The following VWA5B2 variants were observed in gnomAD, a reference collection of about 807,000 sequenced individuals.
VWA5B2 encodes the protein von Willebrand factor A domain containing 5B2, also known as von Willebrand factor A domain-containing protein 5B2.
Under a neutral mutation model 118.5 loss-of-function variants are expected in VWA5B2, and 93 were observed. The ratio of observed to expected loss-of-function variants is 0.79; its 90% CI spans 0.66 to 0.93. VWA5B2 has a LOEUF of 0.93. VWA5B2 is among the 40% of genes least tolerant of loss of function. The probability of loss-of-function intolerance (pLI) is 0.00; values close to 1 mark genes in which losing one functional copy is unlikely to be tolerated. For synonymous variants in VWA5B2, 708 were observed against 716.3 expected (o/e 0.99, Z 0.19); for missense variants, 1,546 against 1,672.8 (o/e 0.92, Z 1.32).
At chr3:184,240,210 G>A (rs1173201830) in intron 16 of VWA5B2, among the ~76,000 whole-genome samples, 174 bp downstream of exon 16, 1 of 152,090 alleles carries the variant, frequency 6.6e-6, no homozygotes, top group African/African-American at 2.4e-5. Context: ...AAAAATAAAA[G>A]GAAACTGAGA....
rs1239375689 is a variant in VWA5B2, at chr3:184,238,266, C to T, written c.1720-37C>T. 3 of 1,450,516 alleles carry T rather than the reference C, an allele frequency of 2.1e-6. No individual in the cohort carries two copies. The highest frequency in any genetic ancestry group is 2.9e-5 in the South Asian group (2 of 69,378). The allele number at this position is 1,450,516 out of a possible 1,614,324, so 89.9% of individuals were successfully genotyped here. A position where few individuals can be genotyped will look rare whatever the true frequency, so the allele number is the denominator to read the frequency against. On this transcript the variant is annotated intron_variant, in intron 12 of 19. Coordinates refer to ENST00000691901, the MANE Select transcript of VWA5B2 (RefSeq NM_001390846.1). This position sits in a 1 kb window ranked among gnomAD's most constrained non-coding sequence, Gnocchi z 5.0. ...ATGTTTGGAAAGAGGTAGCACATAA[C>T]TGCAGTTAATTTTTTTCCCAATAAT...
chr3:184,235,772 A>G lies in VWA5B2; in HGVS notation c.1102-380A>G, dbSNP rs552682172. ...TACCTCCAGAGTCCCACACACAGCC[A>G]TGTACACCTCCAGAGTCCCACACAC... On this transcript the variant is annotated intron_variant, in intron 8 of 19. Transcript: ENST00000691901. Among the ~76,000 whole-genome samples, 37 of 151,536 alleles carry G rather than the reference A, an allele frequency of 2.4e-4. No homozygotes were observed. The South Asian group carries it at 4.0e-3, about 16-fold the overall frequency.
chr3:184,229,605 C>T lies in VWA5B2; in HGVS notation c.-258C>T, dbSNP rs1717165458. Among the ~76,000 whole-genome samples, 1 of 152,288 alleles carries T rather than the reference C, an allele frequency of 6.6e-6. No homozygotes were observed. Among genetic ancestry groups the T allele is most frequent in the Non-Finnish European group, 1.5e-5 (1 of 67,994 alleles). ...GACTCAGAGCCGCTGCAGCCACAGT[C>T]ACGAACTGGCGGCCGGCAGGTGCCG... is the stretch of plus-strand genomic sequence containing the variant. On this transcript the variant is annotated 5_prime_UTR_variant, in exon 1 of 20. Transcript: ENST00000691901.
chr3:184,235,066 A>G (rs1196799838), intron 7 of VWA5B2, 87 bp from the exon 8 acceptor site: 1 of 1,461,270 alleles, frequency 6.8e-7, no homozygotes, highest in East Asian at 2.5e-5. Flanking sequence ...ATCAGACAGA[A>G]AAAGGCCCCA....
rs1418107597 is a variant in VWA5B2, at chr3:184,238,733, G to A, written c.2062G>A (p.Gly688Ser). Residue 688 changes from glycine (G) to serine (S), a missense_variant, in exon 14 of 20, where the codon GGC becomes AGC. Physicochemically the swap from Gly to Ser is moderately conservative, Grantham distance 56. This residue lies in a region of VWA5B2 where 763 missense variants were observed against 766.6 expected (regional missense o/e 1.00). Coordinates refer to ENST00000691901, the MANE Select transcript of VWA5B2 (RefSeq NM_001390846.1). The surrounding 1 kb of genome is among the most constrained non-coding windows in gnomAD (Gnocchi z 5.0). The stretch of plus-strand genomic sequence containing the variant: ...CTCCACAGGCAGCAGTGAGTCCCCA[G>A]GCTCACAGGGCCCTGGCTCCCCCGA... ...PGSTGSSESPGSQGPGSPEGS... is the reference protein window; with the variant it reads ...PGSTGSSESPSSQGPGSPEGS... 6.4e-7 allele frequency: 1 copy of A among 1,551,010 alleles called. No individual in the cohort carries two copies. The highest frequency in any genetic ancestry group is 8.7e-7 in the Non-Finnish European group (1 of 1,146,992).
At position 184,237,556 on chromosome 3, in the gene VWA5B2, A is replaced by G; in HGVS notation, c.1719+145A>G. 1.1e-6 allele frequency: 1 copy of G among 872,628 alleles called. No homozygotes were observed. Among genetic ancestry groups the G allele is most frequent in the Non-Finnish European group, 1.7e-6 (1 of 585,300 alleles). 54.1% of individuals were successfully genotyped at this position (872,628 alleles called of 1,614,324 possible). A position where few individuals can be genotyped will look rare whatever the true frequency, so the allele number is the denominator to read the frequency against. ...CTTCTCTACTATCCCCTAGGACTCCACAGAGATCACACTGGGCCCCCTAAG... is the reference window on the plus strand; with the variant it reads ...CTTCTCTACTATCCCCTAGGACTCCGCAGAGATCACACTGGGCCCCCTAAG... On this transcript the variant is annotated intron_variant, in intron 12 of 19. Coordinates refer to ENST00000691901, the MANE Select transcript of VWA5B2 (RefSeq NM_001390846.1). This position sits in a 1 kb window ranked among gnomAD's most constrained non-coding sequence, Gnocchi z 5.6.
rs1718817873 is a variant in VWA5B2, at chr3:184,242,307, A to C, written c.*269A>C. 4 of 768,470 alleles carry C rather than the reference A, an allele frequency of 5.2e-6. No individual in the cohort carries two copies. Among genetic ancestry groups the C allele is most frequent in the Admixed American group, 2.0e-5 (1 of 49,388 alleles). The allele number at this position is 768,470 out of a possible 1,614,324, so 47.6% of individuals were successfully genotyped here. A position where few individuals can be genotyped will look rare whatever the true frequency, so the allele number is the denominator to read the frequency against. On this transcript the variant is annotated 3_prime_UTR_variant, in exon 20 of 20. Coordinates refer to ENST00000691901, the MANE Select transcript of VWA5B2 (RefSeq NM_001390846.1). Reference sequence around the variant, plus strand: ...TAGAGAGCCACAGTCCCCAAATCCTATGCAATAAAGTGCCTCTTAGGACTG... The same window carrying C: ...TAGAGAGCCACAGTCCCCAAATCCTCTGCAATAAAGTGCCTCTTAGGACTG...
rs376220940 is a variant in VWA5B2 at position 184,239,753 on chromosome 3, G to A, written c.2457G>A (p.Thr819=). The A allele has an allele frequency of 1.4e-5, 21 of 1,518,922 alleles. No homozygotes were observed. The highest frequency in any genetic ancestry group is 6.2e-5 in the Admixed American group (3 of 48,346). 94.1% of individuals were successfully genotyped at this position (1,518,922 alleles called of 1,614,324 possible). Residue 819 remains threonine (T), a synonymous_variant, in exon 16 of 20, where the codon ACG becomes ACA. Transcript: ENST00000691901. This position sits in a 1 kb window ranked among gnomAD's most constrained non-coding sequence, Gnocchi z 5.1. ...TGATGGAACCACCCTTCTTATTCAC[G>A]GCTGTGCCTCCTAGTGGGGAGTTGG... ...DMLMEPPFLF[T]AVPPSGELAP... is the part of the protein sequence containing the mutation.
Position 184,233,559 on chromosome 3 carries a change from C to T in VWA5B2, c.531-17C>T, listed in dbSNP as rs958624158. The T allele has an allele frequency of 3.2e-6, 5 of 1,548,010 alleles. No homozygotes were observed. The highest frequency in any genetic ancestry group is 3.4e-4 in the Middle Eastern group (2 of 5,970). The stretch of plus-strand genomic sequence containing the variant: ...CCTTCACAGTGGCCCAGTGACCCTC[C>T]TCATGCTCCCTTCCAGCCCCACCAG... On this transcript the variant is annotated splice_polypyrimidine_tract_variant and intron_variant, in intron 4 of 19. Coordinates refer to ENST00000691901, the MANE Select transcript of VWA5B2 (RefSeq NM_001390846.1). This position sits in a 1 kb window ranked among gnomAD's most constrained non-coding sequence, Gnocchi z 5.2.
At chr3:184,231,601 A>G (rs1717405955) in intron 3 of VWA5B2, among the ~76,000 whole-genome samples, 1 of 152,026 alleles carries the variant, frequency 6.6e-6, no homozygotes, top group African/African-American at 2.4e-5. Context: ...AGTCATTGTC[A>G]CAGATCTGCC....
At chr3:184,235,330 G>C in intron 8 of VWA5B2, 22 bp downstream of exon 8, 4 of 1,549,070 alleles carry the variant, frequency 2.6e-6, no homozygotes, top group Non-Finnish European at 3.5e-6. Flanking sequence ...TGTGGTGTGG[G>C]CAGGCCTGGG....
At chr3:184,232,471 T>C (rs1717493815) in intron 3 of VWA5B2, 1 of 152,194 alleles carries the variant, frequency 6.6e-6, no homozygotes, top group Admixed American at 6.5e-5. Flanking sequence ...ATTGAAAGGA[T>C]GAACAATTGG....
In VWA5B2 at chr3:184,233,519, C is replaced by T. The variant is rs753233405; in HGVS notation, c.531-57C>T. The stretch of plus-strand genomic sequence containing the variant: ...TGAGGAAGGGCTGGGGCCAGTCAGC[C>T]GGAGGGTTTAGGGGCCTTCACAGTG... On this transcript the variant is annotated intron_variant, in intron 4 of 19. Coordinates refer to ENST00000691901, the MANE Select transcript of VWA5B2 (RefSeq NM_001390846.1). The surrounding 1 kb of genome is among the most constrained non-coding windows in gnomAD (Gnocchi z 5.2). 4.7e-5 allele frequency: 72 copies of T among 1,525,628 alleles called. No individual in the cohort carries two copies. Among genetic ancestry groups the T allele is most frequent in the Middle Eastern group, 1.7e-4 (1 of 5,874 alleles). 94.5% of individuals were successfully genotyped at this position (1,525,628 alleles called of 1,614,324 possible).
Position 184,238,797 on chromosome 3 carries a change from G to A in VWA5B2, c.2126G>A (p.Cys709Tyr). 1 of 1,546,818 alleles carries A rather than the reference G, an allele frequency of 6.5e-7. No individual in the cohort carries two copies. The highest frequency in any genetic ancestry group is 1.2e-5 in the South Asian group (1 of 83,898). ...TTGGAGCCCCCTTCTCAGCAGGGCT[G>A]CCGCAGTCTGGCCTGGGGAGAACCT... ...APLEPPSQQG[C>Y]RSLAWGEPAG... The change falls in exon 14 of 20, where the codon TGC becomes TAC. Residue 709 changes from cysteine to tyrosine, a missense_variant. By Grantham distance (194) the Cys-to-Tyr change is radical. Coordinates refer to ENST00000691901, the MANE Select transcript of VWA5B2 (RefSeq NM_001390846.1). This position sits in a 1 kb window ranked among gnomAD's most constrained non-coding sequence, Gnocchi z 5.0.
intron 9 of VWA5B2, 34 bp downstream of exon 9, chr3:184,236,296 G>A: frequency 1.3e-6 from 2 of 1,551,596 alleles, no homozygotes; most frequent in African/African-American, 2.7e-5. Context: ...GGGCCTTACA[G>A]AGAGGTTTCA....
intron 7 of VWA5B2, 38 bp downstream of exon 7, chr3:184,234,793 G>A: frequency 6.5e-7 from 1 of 1,550,268 alleles, no homozygotes; most frequent in Non-Finnish European, 8.7e-7. Flanking sequence ...CCTGGCCTTG[G>A]CTGCATTTGT....
At chr3:184,230,126 C>T (rs1202373420) in intron 1 of VWA5B2, among the ~76,000 whole-genome samples, 1 of 152,188 alleles carries the variant, frequency 6.6e-6, no homozygotes, top group African/African-American at 2.4e-5. Flanking sequence ...ACCCGCGCCG[C>T]TTCCGACAGC....
At position 184,241,915 on chromosome 3, in the gene VWA5B2, C is replaced by T; in HGVS notation, c.3606C>T (p.His1202=). The T allele has an allele frequency of 6.5e-7, 1 of 1,547,368 alleles. No individual in the cohort carries two copies. Residue 1202 remains histidine, a synonymous_variant, in exon 20 of 20, where the codon CAC becomes CAT. Coordinates refer to ENST00000691901, the MANE Select transcript of VWA5B2 (RefSeq NM_001390846.1). The surrounding 1 kb of genome is among the most constrained non-coding windows in gnomAD (Gnocchi z 5.1). ...AKADCWLRAQ[H]LPDGLDLAAL... ...CTGATTGCTGGCTGCGGGCCCAGCA[C>T]TTGCCTGACGGCCTTGACCTGGCCG...
chr3:184,241,853 G>A lies in VWA5B2; in HGVS notation c.3544G>A (p.Ala1182Thr). 7 of 1,541,078 alleles carry A rather than the reference G, an allele frequency of 4.5e-6. No individual in the cohort carries two copies. Among genetic ancestry groups the A allele is most frequent in the Non-Finnish European group, 6.1e-6 (7 of 1,144,266 alleles). Residue 1182 changes from alanine to threonine, a missense_variant, in exon 20 of 20, where the codon GCT becomes ACT. Coordinates refer to ENST00000691901, the MANE Select transcript of VWA5B2 (RefSeq NM_001390846.1). The surrounding 1 kb of genome is among the most constrained non-coding windows in gnomAD (Gnocchi z 5.1). ...CGCCTGGCTGGAGCACCGATGCGCC[G>A]CTGCCTTCGACGAGTGGGAACTGAC... ...ALAWLEHRCA[A>T]AFDEWELTAA...
Sources: allele counts gnomAD v4.1 joint callset (sites outside exome capture counted in the v4.1 genomes callset), GRCh38; gene constraint gnomAD v4.1.1; regional missense constraint gnomAD v4.1.1; non-coding constraint Gnocchi (gnomAD v3.1); transcripts MANE v1.5; gene names NCBI Gene and HGNC (gene_info 2026-07-23, HGNC 2026-07-21).